ROBO2: variants seen among roughly 807,000 people sequenced by gnomAD.
The protein encoded by ROBO2 is roundabout guidance receptor 2.
A neutral mutation model predicts 160.8 loss-of-function variants in ROBO2; 53 were observed. The ratio of observed to expected loss-of-function variants is 0.33; its 90% CI spans 0.26 to 0.41. ROBO2 has a LOEUF of 0.41. Among genes scored for constraint, ROBO2 ranks in the 10% least tolerant of loss-of-function variants. The pLI is 1.00. For synonymous variants in ROBO2, 664 were observed against 611.7 expected (o/e 1.09, Z -1.26); for missense variants, 1,577 against 1,722.4 (o/e 0.92, Z 1.49).
chr3:76,211,476 T>C (rs984730765), intron 2 of ROBO2, among the ~76,000 whole-genome samples: 4 of 152,072 alleles, frequency 2.6e-5, no homozygotes, highest in African/African-American at 9.7e-5. Context: ...AACTTAACTT[T>C]TAGAGATTAT....
intron 2 of ROBO2, among the ~76,000 whole-genome samples, chr3:76,270,943 T>C (rs1392379157): frequency 6.6e-6 from 1 of 152,124 alleles, no homozygotes; most frequent in Admixed American, 6.6e-5. Flanking sequence ...GTCCTCTTCC[T>C]GCTTACACAG....
intron 5 of ROBO2, among the ~76,000 whole-genome samples, chr3:77,516,159 AT>A (rs1213263164): frequency 1.3e-5 from 2 of 151,610 alleles, no homozygotes; most frequent in African/African-American, 4.8e-5. Flanking sequence ...ACATGCTATA[AT>A]TCCTTTGTTA....
chr3:76,067,729 T>G (rs2068303588), intron 2 of ROBO2, among the ~76,000 whole-genome samples: 1 of 152,204 alleles, frequency 6.6e-6, no homozygotes, highest in Non-Finnish European at 1.5e-5. Flanking sequence ...ATGAGAAATC[T>G]CATTGAAAAC....
chr3:77,323,014 G>C (rs1581058826), intron 2 of ROBO2, among the ~76,000 whole-genome samples: 1 of 120,922 alleles, frequency 8.3e-6, no homozygotes, highest in Admixed American at 8.8e-5. Flanking sequence ...ATTATATTAT[G>C]GATAATATAA....
At chr3:76,797,448 G>A (rs1222861750) in intron 2 of ROBO2, among the ~76,000 whole-genome samples, 1 of 151,694 alleles carries the variant, frequency 6.6e-6, no homozygotes, top group Non-Finnish European at 1.5e-5. Context: ...AGTACTAAGA[G>A]GAAAGTTTAT....
intron 6 of ROBO2, 30 bp from the exon 8 acceptor site, chr3:77,546,308 T>A: frequency 2.5e-6 from 4 of 1,611,708 alleles, no homozygotes; most frequent in Non-Finnish European, 3.4e-6. Flanking sequence ...TGGTTGATAT[T>A]TACACGCTTT....
intron 2 of ROBO2, among the ~76,000 whole-genome samples, chr3:76,700,633 G>A (rs1002589969): frequency 6.6e-6 from 1 of 152,010 alleles, no homozygotes; most frequent in Admixed American, 6.6e-5. Context: ...TATCCACATT[G>A]GAAACTGCTT....
At chr3:76,265,759 G>A (rs983329768) in intron 2 of ROBO2, among the ~76,000 whole-genome samples, 3 of 152,128 alleles carry the variant, frequency 2.0e-5, no homozygotes, top group African/African-American at 7.2e-5. Context: ...GTTGAACAAA[G>A]CAGTGCCAAA....
At chr3:77,103,198 T>C (rs888510746) in intron 2 of ROBO2, among the ~76,000 whole-genome samples, 1 of 152,172 alleles carries the variant, frequency 6.6e-6, no homozygotes, top group Non-Finnish European at 1.5e-5. Flanking sequence ...GGCAAATAGA[T>C]GACAGCAGCT....
At chr3:76,548,527 T>C (rs1056217745) in intron 2 of ROBO2, among the ~76,000 whole-genome samples, 3 of 151,838 alleles carry the variant, frequency 2.0e-5, no homozygotes, top group Non-Finnish European at 4.4e-5. Flanking sequence ...GTGTGAAGAG[T>C]GGGCATTCTG....
chr3:76,246,832 A>G (rs1236571743), intron 2 of ROBO2, among the ~76,000 whole-genome samples: 1 of 152,130 alleles, frequency 6.6e-6, no homozygotes, highest in East Asian at 1.9e-4. Flanking sequence ...TAACTTTATT[A>G]GAATTGACTT....
intron 4 of ROBO2, 145 bp from the exon 5 acceptor site, chr3:77,493,099 G>A: frequency 2.7e-6 from 2 of 744,598 alleles, no homozygotes; most frequent in South Asian, 3.1e-5. Context: ...GGATTCACAA[G>A]GCCTTATTAA....
At chr3:77,064,395 G>GTGT (rs1243176396) in intron 1 of ROBO2, among the ~76,000 whole-genome samples, 2 of 127,934 alleles carry the variant, frequency 1.6e-5, no homozygotes, top group Non-Finnish European at 3.2e-5. Context: ...GAGTCTCACT[G>GTGT]TGTTACCCAG....
At position 75,911,189 on chromosome 3, in the gene ROBO2, G is replaced by A. The variant is rs114128035; in HGVS notation, c.-14+4229G>A. On this transcript the variant is annotated intron_variant, in intron 1 of 26. Transcript: ENST00000487694. ...TCTTGAAGAACTGTGATAAGAATGA[G>A]CAGTGAAAAAATTACAGCTTCTCAG... Among the ~76,000 whole-genome samples, 287 of 152,244 alleles carry A rather than the reference G, an allele frequency of 1.9e-3. 1 individual carries two copies. The highest frequency in any genetic ancestry group is 6.4e-3 in the African/African-American group (267 of 41,546).
chr3:77,100,125 A>G (rs1293747905), intron 2 of ROBO2, among the ~76,000 whole-genome samples: 2 of 152,158 alleles, frequency 1.3e-5, no homozygotes, highest in African/African-American at 4.8e-5. Context: ...ATTAATAATG[A>G]ATCAAACTGT....
intron 2 of ROBO2, among the ~76,000 whole-genome samples, chr3:77,179,604 T>C (rs892900901): frequency 7.9e-5 from 12 of 152,062 alleles, no homozygotes; most frequent in African/African-American, 2.7e-4. Context: ...ATTTAAAAAA[T>C]TAATAACATT....
intron 2 of ROBO2, among the ~76,000 whole-genome samples, chr3:76,060,316 C>T (rs963188545): frequency 1.3e-5 from 2 of 152,006 alleles, no homozygotes; most frequent in Non-Finnish European, 2.9e-5. Context: ...TAGAAAAAAA[C>T]CTAATATGGG....
At chr3:77,587,178 G>A (rs1330561813) in intron 16 of ROBO2, among the ~76,000 whole-genome samples, 3 of 152,008 alleles carry the variant, frequency 2.0e-5, no homozygotes, top group Non-Finnish European at 4.4e-5. Flanking sequence ...GCCATTTCTT[G>A]GAAGCTTAAC....
At chr3:75,914,307 A>T (rs1946719110) in intron 1 of ROBO2, among the ~76,000 whole-genome samples, 1 of 152,186 alleles carries the variant, frequency 6.6e-6, no homozygotes, top group South Asian at 2.1e-4. Flanking sequence ...CAAATTGCTG[A>T]ACAGTGTTTA....
Sources: allele counts gnomAD v4.1 joint callset (sites outside exome capture counted in the v4.1 genomes callset), GRCh38; gene constraint gnomAD v4.1.1; transcripts MANE v1.5; gene names NCBI Gene and HGNC (gene_info 2026-07-23, HGNC 2026-07-21).